The following SHOX variants were observed in gnomAD, a reference collection of about 807,000 sequenced individuals.
The protein encoded by SHOX is short stature homeobox protein.
In SHOX, 12 loss-of-function variants were observed where a neutral mutation model predicts 29.6. The observed-to-expected ratio is 0.41, with a 90% CI of 0.26 to 0.66. The LOEUF is 0.66. Among genes scored for constraint, SHOX ranks in the 30% least tolerant of loss-of-function variants. The pLI is 0.35. For missense variants in SHOX, 499 were observed against 437.7 expected, an observed-to-expected ratio of 1.14 and a Z score of -1.25; for synonymous variants, 214 against 200.6, an observed-to-expected ratio of 1.07 and a Z score of -0.57.
rs1321636884 is a variant in SHOX at position 649,380 on chromosome X, TG to T, written c.*4748del. Among the ~76,000 whole-genome samples the T allele has an allele frequency of 6.6e-6, 1 of 152,110 alleles. No individual in the cohort carries two copies. The highest frequency in any genetic ancestry group is 2.4e-5 in the African/African-American group (1 of 41,432). Reference sequence around the variant, plus strand: ...AGATGTTTAGGAAGGACTGGGCTGATGGGGACCCTCTGTATGTGATGTGCGT... The same window carrying T: ...AGATGTTTAGGAAGGACTGGGCTGATGGGACCCTCTGTATGTGATGTGCGT... On this transcript the variant is annotated 3_prime_UTR_variant, in exon 5 of 5. Coordinates refer to ENST00000686671, the MANE Select transcript of SHOX (RefSeq NM_000451.4).
At chrX:625,520 T>C (rs1390731706) in intron 1 of SHOX, among the ~76,000 whole-genome samples, 1 of 151,850 alleles carries the variant, frequency 6.6e-6, no homozygotes, top group African/African-American at 2.4e-5. Context: ...TTTCTCTGTC[T>C]ATCTCTGTAT....
intron 2 of SHOX, among the ~76,000 whole-genome samples, chrX:638,781 G>C (rs762138086): frequency 2.8e-4 from 42 of 152,342 alleles, no homozygotes; most frequent in African/African-American, 9.6e-4. Context: ...TGTAAGGGTG[G>C]CTGTGGGCCG....
downstream of SHOX, among the ~76,000 whole-genome samples, chrX:653,196 G>T (rs987632000): frequency 6.6e-5 from 10 of 152,108 alleles, no homozygotes; most frequent in Non-Finnish European, 1.3e-4. Context: ...AGCCGAGATC[G>T]CGCCATTGCA....
At chrX:642,008 G>C (rs1423884734) in intron 4 of SHOX, among the ~76,000 whole-genome samples, 2 of 152,216 alleles carry the variant, frequency 1.3e-5, no homozygotes, top group Admixed American at 6.5e-5. Context: ...TTACTTTGGA[G>C]TGAGCAGCGC....
At position 633,735 on chromosome X, in the gene SHOX, A is replaced by G. The variant is rs772202660; in HGVS notation, c.278-883A>G. On this transcript the variant is annotated intron_variant, in intron 1 of 4. Coordinates refer to ENST00000686671, the MANE Select transcript of SHOX (RefSeq NM_000451.4). ...CATCTGTGCTCAGCAGGCCCGAGAT[A>G]GGAACAGAGGGGCGTTGGAGATGCC... is the stretch of plus-strand genomic sequence containing the variant. Among the ~76,000 whole-genome samples, 26 of 152,222 alleles carry G rather than the reference A, an allele frequency of 1.7e-4. No individual in the cohort carries two copies. The South Asian group carries it at 4.8e-3, about 28-fold the overall frequency.
downstream of SHOX, among the ~76,000 whole-genome samples, chrX:655,744 G>C (rs2053138357): frequency 6.6e-6 from 1 of 151,314 alleles, no homozygotes; most frequent in African/African-American, 2.4e-5. Context: ...GATTTCCAAG[G>C]AAGTTGTATT....
rs55872554 is a variant in SHOX at position 624,386 on chromosome X, C to CTT, written c.-637_-636dup. 0.29 allele frequency: 37,794 copies of CTT among 130,586 alleles called. 5,071 individuals are homozygous for CTT. The highest frequency in any genetic ancestry group is 0.38 in the East Asian group (1,712 of 4,520). The allele number at this position is 130,586 out of a possible 1,614,324, so 8.1% of individuals were successfully genotyped here. The stretch of plus-strand genomic sequence containing the variant: ...GTCCTGAGAACAGGGGCTCCCCACA[C>CTT]TTTTTTTTTTTTTGGTTTTGTTTTA... On this transcript the variant is annotated 5_prime_UTR_variant, in exon 1 of 6. Transcript: ENST00000334060.
rs1294204121 is a variant in SHOX at position 651,256 on chromosome X, C to T, written c.*6620C>T. On this transcript the variant is annotated 3_prime_UTR_variant, in exon 5 of 5. Transcript: ENST00000686671. Reference sequence around the variant, plus strand: ...CCCATTGACGACATAGCGGCCCCCGCGTCCGGGTTACAAATACATCTACAG... The same window carrying T: ...CCCATTGACGACATAGCGGCCCCCGTGTCCGGGTTACAAATACATCTACAG... 4.4e-6 allele frequency: 2 copies of T among 454,620 alleles called. No homozygotes were observed. The highest frequency in any genetic ancestry group is 2.4e-5 in the Admixed American group (1 of 42,498). The allele number at this position is 454,620 out of a possible 1,614,324, so 28.2% of individuals were successfully genotyped here.
At chrX:642,435 C>T (rs1308058981) in intron 4 of SHOX, among the ~76,000 whole-genome samples, 1 of 151,998 alleles carries the variant, frequency 6.6e-6, no homozygotes, top group Non-Finnish European at 1.5e-5. Context: ...CGGTGGGGAG[C>T]GCGGAAGGTA....
At chrX:634,577 C>T in intron 1 of SHOX, 41 bp from the exon 2 acceptor site, 1 of 1,606,436 alleles carries the variant, frequency 6.2e-7, no homozygotes, top group Non-Finnish European at 8.5e-7. Flanking sequence ...TTGCGCAAAA[C>T]CTCCCCGGCC....
chrX:628,217 G>A (rs1054310484), upstream of SHOX, among the ~76,000 whole-genome samples: 8 of 96,438 alleles, frequency 8.3e-5, no homozygotes, highest in African/African-American at 2.3e-4. Context: ...CTCCCTGTCC[G>A]TGTCGCTCTT....
At chrX:634,225 C>G (rs1404342811) in intron 1 of SHOX, among the ~76,000 whole-genome samples, 1 of 152,218 alleles carries the variant, frequency 6.6e-6, no homozygotes, top group Non-Finnish European at 1.5e-5. Flanking sequence ...GCCCCGGGTC[C>G]TCCCCGTGTC....
chrX:652,919 GCA>G (rs1240791846), downstream of SHOX, among the ~76,000 whole-genome samples: 6 of 152,056 alleles, frequency 3.9e-5, no homozygotes, highest in Admixed American at 3.9e-4. Context: ...AGTTCTGAAT[GCA>G]CACAGTTATT....
downstream of SHOX, among the ~76,000 whole-genome samples, chrX:651,663 A>G (rs28385339): frequency 7.4e-5 from 10 of 134,618 alleles, no homozygotes; most frequent in East Asian, 1.6e-3. Context: ...AAAAAAAAAA[A>G]TCCTGAGTCG....
chrX:648,945 T>TTCTTTCTTTGTTTCTTTC lies in SHOX; in HGVS notation c.*4318_*4319insGTTTCTTTCTCTTTCTTT, dbSNP rs2053008348. On this transcript the variant is annotated 3_prime_UTR_variant, in exon 5 of 5. Transcript: ENST00000686671. ...TTCTTTCTTTCTCTCTTTCTTTCTT[T>TTCTTTCTTTGTTTCTTTC]TCTTTCTTTCTGTTTCTTTCCTTTT... 7.0e-6 allele frequency among the ~76,000 whole-genome samples: 1 copy of TTCTTTCTTTGTTTCTTTC among 141,866 alleles called. No homozygotes were observed. Among genetic ancestry groups the TTCTTTCTTTGTTTCTTTC allele is most frequent in the Non-Finnish European group, 1.5e-5 (1 of 67,590 alleles). The allele number at this position is 141,866 out of a possible 152,430, so 93.1% of individuals were successfully genotyped here.
rs369572505 is a variant in SHOX, at chrX:648,578, C to T, written c.*3942C>T. Reference sequence around the variant, plus strand: ...TTACTGACTCTCAACTGTGCGGGGACGGTTTCAGTTTGATTTAATATGGAA... The same window carrying T: ...TTACTGACTCTCAACTGTGCGGGGATGGTTTCAGTTTGATTTAATATGGAA... On this transcript the variant is annotated 3_prime_UTR_variant, in exon 5 of 5. Transcript: ENST00000686671. Among the ~76,000 whole-genome samples, 301 of 152,246 alleles carry T rather than the reference C, an allele frequency of 2.0e-3. No individual in the cohort carries two copies. Among genetic ancestry groups the T allele is most frequent in the African/African-American group, 6.8e-3 (282 of 41,544 alleles).
In SHOX at chrX:644,765, C is replaced by A. The variant is rs2052934217; in HGVS notation, c.*129C>A. On this transcript the variant is annotated 3_prime_UTR_variant, in exon 5 of 5. Coordinates refer to ENST00000686671, the MANE Select transcript of SHOX (RefSeq NM_000451.4). ...CCGTGCTCCGGGCACCCCGGGAGCTCCTGCAAGAGGCCTGAGGAGGGAGGC... is the reference window on the plus strand; with the variant it reads ...CCGTGCTCCGGGCACCCCGGGAGCTACTGCAAGAGGCCTGAGGAGGGAGGC... The A allele has an allele frequency of 4.0e-6, 5 of 1,254,838 alleles. No individual in the cohort carries two copies. Among genetic ancestry groups the A allele is most frequent in the Middle Eastern group, 2.9e-4 (1 of 3,450 alleles). The allele number at this position is 1,254,838 out of a possible 1,614,324, so 77.7% of individuals were successfully genotyped here. A position where few individuals can be genotyped will look rare whatever the true frequency, so the allele number is the denominator to read the frequency against.
chrX:639,867 G>A (rs2052819961), intron 2 of SHOX, among the ~76,000 whole-genome samples: 1 of 150,542 alleles, frequency 6.6e-6, no homozygotes, highest in African/African-American at 2.4e-5. Context: ...CAGGCATGGT[G>A]GTGAGCACCT....
At position 649,236 on chromosome X, in the gene SHOX, G is replaced by A. The variant is rs754622985; in HGVS notation, c.*4600G>A. On this transcript the variant is annotated 3_prime_UTR_variant, in exon 5 of 5. Coordinates refer to ENST00000686671, the MANE Select transcript of SHOX (RefSeq NM_000451.4). ...TATTTTTTAGTAGAGACCGGGTTTC[G>A]CCATGTTGGCCAGGCTGGTCTTGAA... Among the ~76,000 whole-genome samples, 32 of 151,874 alleles carry A rather than the reference G, an allele frequency of 2.1e-4. No individual in the cohort carries two copies. Among genetic ancestry groups the A allele is most frequent in the Middle Eastern group, 3.4e-3 (1 of 294 alleles).
Sources: gnomAD v4.1 joint callset for allele counts (sites outside exome capture counted in the v4.1 genomes callset) on GRCh38, gnomAD v4.1.1 for gene constraint, MANE v1.5 for transcripts, NCBI Gene and HGNC (gene_info 2026-07-23, HGNC 2026-07-21) for gene names.